Variants in SMG7 observed in about 807,000 individuals in gnomAD.
SMG7 encodes the protein SMG7 nonsense mediated mRNA decay factor.
SMG7 carries 34 observed loss-of-function variants against 148.2 expected under a neutral mutation model. The observed-to-expected ratio is 0.23, with a 90% CI of 0.17 to 0.31. The LOEUF (loss-of-function observed/expected upper bound fraction) is 0.31, where lower values mean the gene tolerates loss of function less well. Among genes scored for constraint, SMG7 ranks in the 10% least tolerant of loss-of-function variants. The pLI is 1.00. For missense variants in SMG7, 1,114 were observed against 1,408.4 expected (o/e 0.79, Z 3.35); for synonymous variants, 492 against 515.1 (o/e 0.96, Z 0.61).
At chr1:183,507,398 T>C (rs1329556431) in intron 1 of SMG7, among the ~76,000 whole-genome samples, 1 of 152,202 alleles carries the variant, frequency 6.6e-6, no homozygotes, top group Non-Finnish European at 1.5e-5. Flanking sequence ...TTTTTTCTTA[T>C]ACTCTTGTGT....
At chr1:183,498,556 C>G (rs996092218) in intron 1 of SMG7, among the ~76,000 whole-genome samples, 1 of 152,172 alleles carries the variant, frequency 6.6e-6, no homozygotes, top group African/African-American at 2.4e-5. Flanking sequence ...AATTTTTGTT[C>G]ACCGTCACCT....
rs1671239241 is a variant in SMG7 at position 183,552,603 on chromosome 1, T to A, written c.*672T>A. Reference sequence around the variant, plus strand: ...CAGAAGGCTCTGGTAGGCCTTCCTCTGGCCAGGAGACTCCAGCAGGGAATG... The same window carrying A: ...CAGAAGGCTCTGGTAGGCCTTCCTCAGGCCAGGAGACTCCAGCAGGGAATG... On this transcript the variant is annotated 3_prime_UTR_variant, in exon 23 of 23. Coordinates refer to ENST00000688051, the MANE Select transcript of SMG7 (RefSeq NM_001375584.1). The A allele has an allele frequency of 1.2e-5, 12 of 1,023,206 alleles. No homozygotes were observed. The South Asian group carries it at 2.7e-4, about 23-fold the overall frequency. The allele number at this position is 1,023,206 out of a possible 1,614,324, so 63.4% of individuals were successfully genotyped here.
chr1:183,515,810 G>C (rs1663379129), intron 2 of SMG7, 64 bp from the exon 3 acceptor site: 3 of 955,054 alleles, frequency 3.1e-6, no homozygotes, highest in Admixed American at 3.6e-5. Context: ...CACTGGTGTG[G>C]TATAATGGTT....
intron 10 of SMG7, among the ~76,000 whole-genome samples, chr1:183,535,114 A>G (rs1354041233): frequency 6.6e-6 from 1 of 152,166 alleles, no homozygotes; most frequent in Non-Finnish European, 1.5e-5. Flanking sequence ...ACTCAAATTT[A>G]TGTTTAATTC....
At chr1:183,504,558 C>G (rs1392613871) in intron 1 of SMG7, among the ~76,000 whole-genome samples, 3 of 152,084 alleles carry the variant, frequency 2.0e-5, no homozygotes, top group Admixed American at 6.6e-5. Context: ...AGGCTGGTCT[C>G]AAACTCCTGA....
chr1:183,490,202 T>G (rs542313209), intron 1 of SMG7, among the ~76,000 whole-genome samples: 50 of 152,298 alleles, frequency 3.3e-4, no homozygotes, highest in African/African-American at 1.2e-3. Flanking sequence ...AACTGCAAGT[T>G]TAGAGATGAC....
intron 1 of SMG7, chr1:183,473,632 G>C: frequency 1.8e-6 from 1 of 556,636 alleles, no homozygotes; most frequent in Non-Finnish European, 2.3e-6. Flanking sequence ...ATAGAGAAAA[G>C]TAAGGTTGTT....
intron 18 of SMG7, chr1:183,548,964 G>T: frequency 1.9e-6 from 1 of 521,412 alleles, no homozygotes; most frequent in Non-Finnish European, 3.4e-6. Context: ...AGGGTCTCTG[G>T]TCCCTGCCAG....
chr1:183,553,608 G>GCCCCC lies in SMG7; in HGVS notation c.*1681_*1685dup, dbSNP rs3832026. On this transcript the variant is annotated 3_prime_UTR_variant, in exon 23 of 23. Coordinates refer to ENST00000688051, the MANE Select transcript of SMG7 (RefSeq NM_001375584.1). ...TTGCTCTTCAGAGAGAGTGGTTGGA[G>GCCCCC]CCCCCCCCGCCCCGTATGCTTACAT... 196 of 128,232 alleles carry GCCCCC rather than the reference G, an allele frequency of 1.5e-3. 2 individuals are homozygous for GCCCCC. Among genetic ancestry groups the GCCCCC allele is most frequent in the Non-Finnish European group, 1.8e-3 (106 of 59,294 alleles). 7.9% of individuals were successfully genotyped at this position (128,232 alleles called of 1,614,324 possible). A position where few individuals can be genotyped will look rare whatever the true frequency, so the allele number is the denominator to read the frequency against.
chr1:183,480,459 C>T (rs552103182), intron 1 of SMG7, among the ~76,000 whole-genome samples: 95 of 152,088 alleles, frequency 6.2e-4, no homozygotes, highest in African/African-American at 2.0e-3. Flanking sequence ...AAAGACCTCA[C>T]GGTGGCCAAA....
At chr1:183,472,738 C>CG in intron 1 of SMG7, 89 bp downstream of exon 1, 1 of 1,192,156 alleles carries the variant, frequency 8.4e-7, no homozygotes, top group Admixed American at 3.3e-5. Context: ...TCCGGGGTGG[C>CG]GGGGGAGTTG....
chr1:183,538,448 A>G lies in SMG7; in HGVS notation c.1295+8A>G. 5 of 1,578,398 alleles carry G rather than the reference A, an allele frequency of 3.2e-6. No homozygotes were observed. The highest frequency in any genetic ancestry group is 4.4e-6 in the Non-Finnish European group (5 of 1,147,308). ...ATTGAGACCTTCTTTCAGGTAGGTG[A>G]TAGCTGAAGTACCTTTATCATTGCC... On this transcript the variant is annotated splice_region_variant and intron_variant, in intron 12 of 22. Transcript: ENST00000688051.
At chr1:183,526,865 A>G in intron 5 of SMG7, 98 bp downstream of exon 5, 2 of 924,108 alleles carry the variant, frequency 2.2e-6, no homozygotes, top group Non-Finnish European at 3.1e-6. Flanking sequence ...GCATACACAC[A>G]CAATTTAGAT....
At chr1:183,509,328 G>T (rs10797885) in intron 1 of SMG7, among the ~76,000 whole-genome samples, 11,914 of 152,236 alleles carry the variant, frequency 0.078, 552 homozygotes, top group East Asian at 0.24. Context: ...ACTTAAATGT[G>T]AATGTTCCTA....
intron 1 of SMG7, among the ~76,000 whole-genome samples, chr1:183,493,074 TC>T (rs1443370647): frequency 5.3e-5 from 8 of 152,164 alleles, no homozygotes; most frequent in Non-Finnish European, 1.2e-4. Flanking sequence ...GCTCAAGTGA[TC>T]CTCCCACCTC....
intron 1 of SMG7, among the ~76,000 whole-genome samples, chr1:183,480,719 G>C (rs188878203): frequency 2.2e-3 from 339 of 152,286 alleles, no homozygotes; most frequent in Admixed American, 3.0e-3. Flanking sequence ...AGGCTTTACA[G>C]GGTGTTCTGA....
intron 1 of SMG7, among the ~76,000 whole-genome samples, chr1:183,508,894 A>G (rs1661552174): frequency 2.6e-5 from 4 of 152,248 alleles, no homozygotes; most frequent in South Asian, 2.1e-4. Flanking sequence ...ATTAACTAAT[A>G]AAAACAGACT....
rs762621615 is a variant in SMG7 at position 183,529,045 on chromosome 1, A to G, written c.707+3A>G. 2 of 1,594,830 alleles carry G rather than the reference A, an allele frequency of 1.3e-6. No homozygotes were observed. The highest frequency in any genetic ancestry group is 2.2e-5 in the East Asian group (1 of 44,760). ...GCACTTTCTAAAGCACTGGAAAGGT[A>G]GGGTTGTTTGGTTTTTTTTTTCTCT... is the stretch of plus-strand genomic sequence containing the variant. On this transcript the variant is annotated splice_donor_region_variant and intron_variant, in intron 7 of 22. Coordinates refer to ENST00000688051, the MANE Select transcript of SMG7 (RefSeq NM_001375584.1).
At chr1:183,501,393 C>T (rs1472284695) in intron 1 of SMG7, 2 of 152,190 alleles carry the variant, frequency 1.3e-5, no homozygotes, top group Non-Finnish European at 2.9e-5. Flanking sequence ...GAATATAAGA[C>T]ATTCTTACTA....
Sources: allele counts gnomAD v4.1 joint callset (sites outside exome capture counted in the v4.1 genomes callset), GRCh38; gene constraint gnomAD v4.1.1; transcripts MANE v1.5; gene names NCBI Gene and HGNC (gene_info 2026-07-23, HGNC 2026-07-21).